Variants in PROS1 observed in about 807,000 individuals in gnomAD.
PROS1 encodes vitamin K-dependent protein S.
A neutral mutation model predicts 75.9 loss-of-function variants in PROS1; 29 were observed. The ratio of observed to expected loss-of-function variants is 0.38; its 90% CI spans 0.28 to 0.52. The LOEUF is 0.52. Ranked by LOEUF, PROS1 falls within the 20% of genes least tolerant of loss-of-function variation. The probability of loss-of-function intolerance (pLI) is 0.83; values close to 1 mark genes in which losing one functional copy is unlikely to be tolerated. For synonymous variants in PROS1, 245 were observed against 280.6 expected, an observed-to-expected ratio of 0.87 and a Z score of 1.27; for missense variants, 680 against 810.3, an observed-to-expected ratio of 0.84 and a Z score of 1.95.
intron 12 of PROS1, among the ~76,000 whole-genome samples, chr3:93,881,823 T>C (rs1410221296): frequency 2.0e-5 from 3 of 152,156 alleles, no homozygotes; most frequent in Admixed American, 2.0e-4. Context: ...CGCCTCAGCC[T>C]CCTAAAGTGC....
intron 1 of PROS1, among the ~76,000 whole-genome samples, chr3:93,952,582 T>C (rs541099779): frequency 8.4e-4 from 128 of 152,338 alleles, no homozygotes; most frequent in African/African-American, 3.0e-3. Flanking sequence ...TAAAGCAGTG[T>C]GTAGAGGGAA....
At chr3:93,945,169 C>A (rs1380616690) in intron 1 of PROS1, among the ~76,000 whole-genome samples, 2 of 152,016 alleles carry the variant, frequency 1.3e-5, no homozygotes, top group East Asian at 3.9e-4. Flanking sequence ...AGTTAAGAGC[C>A]TACCAATAAA....
chr3:93,880,671 T>G (rs936667597), intron 12 of PROS1, among the ~76,000 whole-genome samples: 35 of 152,250 alleles, frequency 2.3e-4, no homozygotes, highest in Admixed American at 2.0e-3. Flanking sequence ...AACATTTATC[T>G]TGAAATAAGT....
At chr3:93,885,287 AG>A (rs1708330091) in intron 11 of PROS1, among the ~76,000 whole-genome samples, 1 of 152,104 alleles carries the variant, frequency 6.6e-6, no homozygotes, top group Admixed American at 6.6e-5. Flanking sequence ...GTGCAGTGGC[AG>A]GATCTTGGCT....
chr3:93,943,482 C>A (rs1045439474), intron 1 of PROS1, among the ~76,000 whole-genome samples: 2 of 152,096 alleles, frequency 1.3e-5, no homozygotes, highest in Non-Finnish European at 2.9e-5. Flanking sequence ...AACAACCCCA[C>A]AATATCACCC....
intron 10 of PROS1, among the ~76,000 whole-genome samples, chr3:93,892,645 G>C (rs941500636): frequency 6.6e-6 from 1 of 151,448 alleles, no homozygotes; most frequent in African/African-American, 2.4e-5. Flanking sequence ...AAAAATGTTA[G>C]GCCTCCTAAT....
chr3:93,953,385 T>C (rs1467741285), intron 1 of PROS1, among the ~76,000 whole-genome samples: 4 of 152,250 alleles, frequency 2.6e-5, no homozygotes, highest in African/African-American at 7.2e-5. Flanking sequence ...TCCACCCCGA[T>C]CAAGTTGGCT....
chr3:93,922,388 A>G (rs901602721), intron 3 of PROS1, among the ~76,000 whole-genome samples: 1 of 152,204 alleles, frequency 6.6e-6, no homozygotes, highest in Non-Finnish European at 1.5e-5. Flanking sequence ...AGGTGATACT[A>G]GGCCTATGGA....
intron 10 of PROS1, among the ~76,000 whole-genome samples, chr3:93,887,304 AAGTGATTGAGG>A (rs1254996038): frequency 2.0e-5 from 3 of 152,230 alleles, no homozygotes; most frequent in Non-Finnish European, 2.9e-5. Flanking sequence ...TAAAATTCAA[AAGTGATTGAGG>A]CAATAAGAAA....
At chr3:93,929,406 G>A (rs1294951186) in intron 1 of PROS1, among the ~76,000 whole-genome samples, 1 of 152,034 alleles carries the variant, frequency 6.6e-6, no homozygotes, top group Admixed American at 6.6e-5. Flanking sequence ...TTGAGCCTGT[G>A]GGGGGTCAAG....
At chr3:93,898,663 A>G in intron 7 of PROS1, 94 bp from the exon 8 acceptor site, 1 of 1,401,424 alleles carries the variant, frequency 7.1e-7, no homozygotes. Context: ...GTATGATATA[A>G]TCAATGATAA....
In PROS1 at chr3:93,874,085, A is replaced by G; in HGVS notation, c.*160T>C. 3.7e-6 allele frequency: 3 copies of G among 819,856 alleles called. No homozygotes were observed. The highest frequency in any genetic ancestry group is 3.8e-6 in the Non-Finnish European group (2 of 532,002). The allele number at this position is 819,856 out of a possible 1,614,324, so 50.8% of individuals were successfully genotyped here. On this transcript the variant is annotated 3_prime_UTR_variant, in exon 15 of 15. Coordinates refer to ENST00000394236, the MANE Select transcript of PROS1 (RefSeq NM_000313.4). Reference sequence around the variant, plus strand: ...TTTCTTTACTGTGATTTATATCACAACAGAATTTTTTTCCTTGACAAAGGA... The same window carrying G: ...TTTCTTTACTGTGATTTATATCACAGCAGAATTTTTTTCCTTGACAAAGGA...
intron 1 of PROS1, chr3:93,928,810 C>T (rs1189298470): frequency 1.9e-5 from 20 of 1,062,602 alleles, no homozygotes; most frequent in African/African-American, 1.7e-5. Flanking sequence ...ATAAAGAAAA[C>T]AATATAAACA....
At chr3:93,941,276 T>A (rs1709283632) in intron 1 of PROS1, among the ~76,000 whole-genome samples, 1 of 152,174 alleles carries the variant, frequency 6.6e-6, no homozygotes, top group Non-Finnish European at 1.5e-5. Context: ...CCTTCAACAT[T>A]TATTCTCCAT....
chr3:93,934,513 G>C (rs1036071951), intron 1 of PROS1, among the ~76,000 whole-genome samples: 1 of 152,208 alleles, frequency 6.6e-6, no homozygotes, highest in African/African-American at 2.4e-5. Flanking sequence ...TTGTGTTAAG[G>C]GTTGGAATGG....
At chr3:93,925,821 T>TAAAA (rs35893198) in intron 2 of PROS1, among the ~76,000 whole-genome samples, 2 of 107,566 alleles carry the variant, frequency 1.9e-5, no homozygotes, top group Middle Eastern at 5.3e-3. Flanking sequence ...AGACCCTGTC[T>TAAAA]AAAAAAAAAA....
At chr3:93,880,562 T>C (rs969920163) in intron 12 of PROS1, among the ~76,000 whole-genome samples, 2 of 152,180 alleles carry the variant, frequency 1.3e-5, no homozygotes, top group African/African-American at 4.8e-5. Context: ...TTTTAATTGA[T>C]ATATCATAAT....
At chr3:93,888,820 T>C (rs1454060202) in intron 10 of PROS1, among the ~76,000 whole-genome samples, 1 of 152,190 alleles carries the variant, frequency 6.6e-6, no homozygotes, top group Non-Finnish European at 1.5e-5. Flanking sequence ...CATTAGCTTC[T>C]GATTGGGATT....
At chr3:93,918,196 C>T (rs1477223771) in intron 3 of PROS1, among the ~76,000 whole-genome samples, 1 of 152,150 alleles carries the variant, frequency 6.6e-6, no homozygotes, top group Non-Finnish European at 1.5e-5. Context: ...CCAATTGACA[C>T]TCTGTATCTA....
Sources: allele counts gnomAD v4.1 joint callset (sites outside exome capture counted in the v4.1 genomes callset), GRCh38; gene constraint gnomAD v4.1.1; transcripts MANE v1.5; gene names NCBI Gene and HGNC (gene_info 2026-07-23, HGNC 2026-07-21).